The following PIEZO2 variants were observed in gnomAD, a reference collection of about 807,000 sequenced individuals.
The protein encoded by PIEZO2 is piezo-type mechanosensitive ion channel component 2.
PIEZO2 carries 172 observed loss-of-function variants against 337.3 expected under a neutral mutation model. The observed-to-expected ratio is 0.51, with a 90% CI of 0.45 to 0.58. The LOEUF (loss-of-function observed/expected upper bound fraction) is 0.58, where lower values mean the gene tolerates loss of function less well. Among genes scored for constraint, PIEZO2 ranks in the 20% least tolerant of loss-of-function variants. The pLI is 0.00. For missense variants in PIEZO2, 3,028 were observed against 3,391.3 expected, an observed-to-expected ratio of 0.89 and a Z score of 2.66; for synonymous variants, 1,251 against 1,228.5, an observed-to-expected ratio of 1.02 and a Z score of -0.38.
At chr18:11,115,110 A>C (rs902198113) in intron 1 of PIEZO2, among the ~76,000 whole-genome samples, 4 of 152,222 alleles carry the variant, frequency 2.6e-5, no homozygotes, top group African/African-American at 9.6e-5. Flanking sequence ...TTCAAAGTTT[A>C]TGGTACATTC....
chr18:10,832,817 G>A (rs931070592), intron 7 of PIEZO2, among the ~76,000 whole-genome samples: 5 of 152,132 alleles, frequency 3.3e-5, no homozygotes, highest in Admixed American at 2.0e-4. Flanking sequence ...TGGACATTCC[G>A]GGTTCCCAAG....
chr18:11,134,634 C>T (rs1479155425), intron 1 of PIEZO2, among the ~76,000 whole-genome samples: 4 of 152,114 alleles, frequency 2.6e-5, no homozygotes, highest in Admixed American at 6.5e-5. Flanking sequence ...GTTCTGTGGT[C>T]AGATAAGTTT....
At chr18:10,976,509 A>G (rs2034446442) in intron 3 of PIEZO2, among the ~76,000 whole-genome samples, 1 of 152,198 alleles carries the variant, frequency 6.6e-6, no homozygotes, top group Non-Finnish European at 1.5e-5. Flanking sequence ...AATTGGAACT[A>G]TAACCTTTTG....
At chr18:11,057,160 T>C (rs753489) in intron 2 of PIEZO2, among the ~76,000 whole-genome samples, 101,945 of 151,838 alleles carry the variant, frequency 0.67, 34,811 homozygotes, top group East Asian at 0.99. Context: ...CCTGGATGGC[T>C]CTCGTTCTTG....
At chr18:10,808,910 C>T (rs2040085594) in intron 7 of PIEZO2, among the ~76,000 whole-genome samples, 1 of 152,206 alleles carries the variant, frequency 6.6e-6, no homozygotes, top group Non-Finnish European at 1.5e-5. Flanking sequence ...TGCTCCACGC[C>T]TGGCACATAT....
intron 7 of PIEZO2, among the ~76,000 whole-genome samples, chr18:10,811,240 C>G (rs1234122595): frequency 6.6e-6 from 1 of 152,152 alleles, no homozygotes; most frequent in Non-Finnish European, 1.5e-5. Flanking sequence ...ATTTCTCCTT[C>G]TTAGATTCAG....
Position 11,109,131 on chromosome 18 carries a change from C to T in PIEZO2, c.64+39394G>A, listed in dbSNP as rs1234101089. On this transcript the variant is annotated intron_variant, in intron 1 of 55. Transcript: ENST00000674853. This position sits in a 1 kb window ranked among gnomAD's most constrained non-coding sequence, Gnocchi z 5.1. ...GAACTATGCATCCCTCTCCTAAGGACGCTGAGTAAACAGTCTGCACAGCTT... is the reference window on the plus strand; with the variant it reads ...GAACTATGCATCCCTCTCCTAAGGATGCTGAGTAAACAGTCTGCACAGCTT... Among the ~76,000 whole-genome samples, 1 of 152,140 alleles carries T rather than the reference C, an allele frequency of 6.6e-6. No individual in the cohort carries two copies. Among genetic ancestry groups the T allele is most frequent in the Non-Finnish European group, 1.5e-5 (1 of 68,032 alleles).
chr18:10,978,249 T>C lies in PIEZO2; in HGVS notation c.286+1286A>G, dbSNP rs372999017. On this transcript the variant is annotated intron_variant, in intron 3 of 55. Coordinates refer to ENST00000674853, the MANE Select transcript of PIEZO2 (RefSeq NM_001378183.1). ...TACTCAGGAGGCTGAGGCAGGAGAATGGTGTGAACCCGGGAGGCAGAGCTT... is the reference window on the plus strand; with the variant it reads ...TACTCAGGAGGCTGAGGCAGGAGAACGGTGTGAACCCGGGAGGCAGAGCTT... Among the ~76,000 whole-genome samples the C allele has an allele frequency of 4.6e-5, 7 of 151,936 alleles. No individual in the cohort carries two copies. The South Asian group carries it at 1.5e-3, about 32-fold the overall frequency.
At chr18:10,755,511 G>C (rs1379979431) in intron 27 of PIEZO2, among the ~76,000 whole-genome samples, 17 of 152,212 alleles carry the variant, frequency 1.1e-4, no homozygotes, top group Admixed American at 1.1e-3. Context: ...TGACTGCAGA[G>C]GCACAGTGGG....
chr18:11,046,917 T>C (rs1427277891), intron 2 of PIEZO2, among the ~76,000 whole-genome samples: 2 of 152,184 alleles, frequency 1.3e-5, no homozygotes, highest in African/African-American at 4.8e-5. Context: ...TTCAGGAAAT[T>C]GTGTATTGCT....
chr18:10,703,882 G>T (rs775535319), intron 42 of PIEZO2, among the ~76,000 whole-genome samples: 1 of 148,364 alleles, frequency 6.7e-6, no homozygotes, highest in Admixed American at 6.7e-5. Flanking sequence ...GGAACTTTAC[G>T]TTTACGTTTA....
intron 7 of PIEZO2, among the ~76,000 whole-genome samples, chr18:10,829,028 A>AT (rs2040763005): frequency 6.6e-6 from 1 of 152,100 alleles, no homozygotes; most frequent in African/African-American, 2.4e-5. Flanking sequence ...CATTTTAATG[A>AT]TTTTTTAAAT....
intron 1 of PIEZO2, among the ~76,000 whole-genome samples, chr18:11,108,613 CAAAAAAAAAAA>C (rs532226919): frequency 1.4e-4 from 8 of 56,860 alleles, no homozygotes; most frequent in Non-Finnish European, 2.2e-4. Flanking sequence ...GACTCCCTCT[CAAAAAAAAAAA>C]AAAAAAAAAA....
chr18:10,727,690 C>A lies in PIEZO2; in HGVS notation c.5029+3717G>T. 1 of 152,768 alleles carries A rather than the reference C, an allele frequency of 6.5e-6. No homozygotes were observed. 9.5% of individuals were successfully genotyped at this position (152,768 alleles called of 1,614,324 possible). The stretch of plus-strand genomic sequence containing the variant: ...CCTTGTGAATCAAGCCCAAGAGCTC[C>A]CTTGGCCCTGTCCCCACTCCCTCCA... On this transcript the variant is annotated intron_variant, in intron 36 of 55. Coordinates refer to ENST00000674853, the MANE Select transcript of PIEZO2 (RefSeq NM_001378183.1). The surrounding 1 kb of genome is among the most constrained non-coding windows in gnomAD (Gnocchi z 6.3).
rs2145323517 is a variant in PIEZO2 at position 10,952,805 on chromosome 18, A to T, written c.286+26730T>A. Among the ~76,000 whole-genome samples, 1 of 152,252 alleles carries T rather than the reference A, an allele frequency of 6.6e-6. No homozygotes were observed. The highest frequency in any genetic ancestry group is 1.9e-4 in the East Asian group (1 of 5,180). On this transcript the variant is annotated intron_variant, in intron 3 of 55. Transcript: ENST00000674853. The surrounding 1 kb of genome is among the most constrained non-coding windows in gnomAD (Gnocchi z 4.1). ...TATATAATTGTACATTCCCGCCAGAAATGTATTTGAATTCCAAGTGTTCTA... is the reference window on the plus strand; with the variant it reads ...TATATAATTGTACATTCCCGCCAGATATGTATTTGAATTCCAAGTGTTCTA...
At position 10,682,304 on chromosome 18, in the gene PIEZO2, AG is replaced by A; in HGVS notation, c.7498-13del. On this transcript the variant is annotated splice_polypyrimidine_tract_variant and intron_variant, in intron 49 of 55. Transcript: ENST00000674853. The surrounding 1 kb of genome is among the most constrained non-coding windows in gnomAD (Gnocchi z 5.6). The stretch of plus-strand genomic sequence containing the variant: ...GGCTGAGGGTATCTCTGCAACAGAG[AG>A]TTCAGACAAGGCTCAGGCTCAGGCT... 6.5e-7 allele frequency: 1 copy of A among 1,529,578 alleles called. No homozygotes were observed. Among genetic ancestry groups the A allele is most frequent in the Non-Finnish European group, 8.8e-7 (1 of 1,142,668 alleles). The allele number at this position is 1,529,578 out of a possible 1,614,324, so 94.8% of individuals were successfully genotyped here. A position where few individuals can be genotyped will look rare whatever the true frequency, so the allele number is the denominator to read the frequency against.
chr18:10,961,624 A>G (rs1279510640), intron 3 of PIEZO2, among the ~76,000 whole-genome samples: 2 of 152,218 alleles, frequency 1.3e-5, no homozygotes, highest in Non-Finnish European at 2.9e-5. Context: ...GTCAGCTTGT[A>G]TAGAATATAG....
chr18:10,729,400 C>T (rs1191915099), intron 36 of PIEZO2, among the ~76,000 whole-genome samples: 3 of 151,906 alleles, frequency 2.0e-5, no homozygotes, highest in African/African-American at 7.3e-5. Flanking sequence ...CCAAGGTGGA[C>T]GGATCACTTG....
At chr18:10,871,097 G>A (rs1277078664) in intron 5 of PIEZO2, among the ~76,000 whole-genome samples, 156 bp downstream of exon 5, 2 of 152,100 alleles carry the variant, frequency 1.3e-5, no homozygotes, top group Non-Finnish European at 2.9e-5. Flanking sequence ...GGGACTGCAC[G>A]AGGGTGTCAT....
Sources: gnomAD v4.1 joint callset for allele counts (sites outside exome capture counted in the v4.1 genomes callset) on GRCh38, gnomAD v4.1.1 for gene constraint, Gnocchi (gnomAD v3.1) non-coding constraint, MANE v1.5 for transcripts, NCBI Gene and HGNC (gene_info 2026-07-23, HGNC 2026-07-21) for gene names.